Variants in PAX3 observed in about 807,000 individuals in gnomAD.
PAX3 encodes paired box 3.
In PAX3, 14 loss-of-function variants were observed where a neutral mutation model predicts 51.6. The ratio of observed to expected loss-of-function variants is 0.27; its 90% CI spans 0.18 to 0.42. PAX3 has a LOEUF of 0.42. PAX3 is among the 10% of genes least tolerant of loss of function. PAX3 has a pLI of 1.00. For synonymous variants in PAX3, 280 were observed against 253.4 expected (o/e 1.11, Z -1.00); for missense variants, 540 against 642.8 (o/e 0.84, Z 1.73).
intron 5 of PAX3, among the ~76,000 whole-genome samples, chr2:222,231,845 TA>T: frequency 6.6e-6 from 1 of 152,334 alleles, no homozygotes; most frequent in East Asian, 1.9e-4. Flanking sequence ...TGGTGTACAA[TA>T]AGGATTCCTG....
intron 4 of PAX3, among the ~76,000 whole-genome samples, chr2:222,244,471 A>G (rs1483850334): frequency 1.3e-5 from 2 of 152,162 alleles, no homozygotes; most frequent in Admixed American, 1.3e-4. Context: ...AAAACATAAC[A>G]CAATTCCTGA....
chr2:222,258,366 A>T (rs59038851), intron 4 of PAX3, among the ~76,000 whole-genome samples: 17,471 of 152,222 alleles, frequency 0.11, 1,259 homozygotes, highest in East Asian at 0.33. Flanking sequence ...TAGATTATTA[A>T]CAGTAAGAAC....
intron 7 of PAX3, among the ~76,000 whole-genome samples, chr2:222,202,478 G>A (rs371539517): frequency 2.6e-5 from 4 of 151,974 alleles, no homozygotes; most frequent in Non-Finnish European, 2.9e-5. Flanking sequence ...ATTACACCAC[G>A]TCCCTAGTGA....
At chr2:222,205,110 T>C (rs926161220) in intron 7 of PAX3, among the ~76,000 whole-genome samples, 2 of 152,196 alleles carry the variant, frequency 1.3e-5, no homozygotes, top group African/African-American at 4.8e-5. Flanking sequence ...ATGTTGTTCA[T>C]GAAGCAACTT....
intron 4 of PAX3, chr2:222,293,859 A>G (rs930301956): frequency 1.9e-6 from 3 of 1,611,816 alleles, no homozygotes; most frequent in East Asian, 2.2e-5. Context: ...TTTAATGGCA[A>G]CAGAGTGAGA....
At chr2:222,254,122 C>A (rs1693545001) in intron 4 of PAX3, among the ~76,000 whole-genome samples, 1 of 152,108 alleles carries the variant, frequency 6.6e-6, no homozygotes, top group East Asian at 1.9e-4. Flanking sequence ...ATATGACATC[C>A]AATCTCCAGG....
In PAX3 at chr2:222,249,711, C is replaced by T. The variant is rs530375836; in HGVS notation, c.587-17428G>A. Among the ~76,000 whole-genome samples the T allele has an allele frequency of 1.2e-3, 177 of 152,248 alleles. 1 individual carries two copies. The highest frequency in any genetic ancestry group is 3.4e-3 in the African/African-American group (143 of 41,562). ...GAAGAAGCCCTTGCCCCCGGGGTCCCGCAGTTCTCTCCACTGTAAATTCAC... is the reference window on the plus strand; with the variant it reads ...GAAGAAGCCCTTGCCCCCGGGGTCCTGCAGTTCTCTCCACTGTAAATTCAC... On this transcript the variant is annotated intron_variant, in intron 4 of 8. Coordinates refer to ENST00000392070, the MANE Select transcript of PAX3 (RefSeq NM_181458.4).
rs1463478748 is a variant in PAX3, at chr2:222,221,289, A to G, written c.891T>C (p.Thr297=). The G allele has an allele frequency of 1.9e-6, 3 of 1,613,976 alleles. No individual in the cohort carries two copies. Among genetic ancestry groups the G allele is most frequent in the East Asian group, 2.2e-5 (1 of 44,894 alleles). Residue 297 remains threonine, a synonymous_variant, in exon 6 of 9, where the codon ACT becomes ACC. Coordinates refer to ENST00000392070, the MANE Select transcript of PAX3 (RefSeq NM_181458.4). The part of the protein sequence containing the change: ...NHLIPGGFPP[T]AMPTLPTYQL... The stretch of plus-strand genomic sequence containing the variant: ...GGTACGTTGGCAAGGTCGGCATGGC[A>G]GTGGGAGGGAACCCCCCGGGAATGA...
At chr2:222,221,537 T>A in intron 5 of PAX3, 150 bp from the exon 6 acceptor site, 1 of 740,294 alleles carries the variant, frequency 1.4e-6, no homozygotes, top group South Asian at 1.6e-5. Flanking sequence ...TTTGGGCGAA[T>A]TGTCAGGAGT....
At chr2:222,210,547 C>A (rs1013025839) in intron 7 of PAX3, among the ~76,000 whole-genome samples, 2 of 152,094 alleles carry the variant, frequency 1.3e-5, no homozygotes, top group Admixed American at 1.3e-4. Context: ...TGACCCTCTC[C>A]CCTCCCTGCT....
At position 222,298,325 on chromosome 2, in the gene PAX3, G is replaced by A. The variant is rs894146694; in HGVS notation, c.85+206C>T. On this transcript the variant is annotated intron_variant, in intron 1 of 8. Transcript: ENST00000392070. Reference sequence around the variant, plus strand: ...GCCGCAGGCCTGACCGCCCAGCTCCGCCAGGATTTGCAGAGAGCAGCGCGC... The same window carrying A: ...GCCGCAGGCCTGACCGCCCAGCTCCACCAGGATTTGCAGAGAGCAGCGCGC... 3 of 592,098 alleles carry A rather than the reference G, an allele frequency of 5.1e-6. No homozygotes were observed. In the East Asian group the frequency reaches 8.4e-5, roughly 17 times the overall value. The allele number at this position is 592,098 out of a possible 1,614,324, so 36.7% of individuals were successfully genotyped here. A position where few individuals can be genotyped will look rare whatever the true frequency, so the allele number is the denominator to read the frequency against.
At chr2:222,262,256 G>A (rs1481079833) in intron 4 of PAX3, among the ~76,000 whole-genome samples, 1 of 152,100 alleles carries the variant, frequency 6.6e-6, no homozygotes, top group Admixed American at 6.5e-5. Context: ...CAGTTCTTAT[G>A]TTGGTGGACT....
intron 4 of PAX3, among the ~76,000 whole-genome samples, chr2:222,269,014 T>C (rs1273622159): frequency 6.6e-6 from 1 of 152,190 alleles, no homozygotes; most frequent in Non-Finnish European, 1.5e-5. Flanking sequence ...TACAATACCA[T>C]TACTTCCAGT....
rs184413162 is a variant in PAX3 at position 222,254,158 on chromosome 2, T to A, written c.587-21875A>T. 6.6e-3 allele frequency among the ~76,000 whole-genome samples: 1,002 copies of A among 151,768 alleles called. 10 individuals are homozygous for A. Among genetic ancestry groups the A allele is most frequent in the African/African-American group, 0.019 (775 of 41,420 alleles). ...AAATGCCTATTGCAAATTTTTTTTTTAAAAAAAAGTTTCACTTTAAGTATT... is the reference window on the plus strand; with the variant it reads ...AAATGCCTATTGCAAATTTTTTTTTAAAAAAAAAGTTTCACTTTAAGTATT... On this transcript the variant is annotated intron_variant, in intron 4 of 8. Transcript: ENST00000392070.
chr2:222,295,946 G>T (rs561694704), intron 2 of PAX3, among the ~76,000 whole-genome samples: 8 of 152,220 alleles, frequency 5.3e-5, no homozygotes, highest in South Asian at 2.1e-4. Context: ...GGTAGGGTGG[G>T]GTTATACTTT....
At chr2:222,258,976 A>G (rs1326415408) in intron 4 of PAX3, among the ~76,000 whole-genome samples, 2 of 152,194 alleles carry the variant, frequency 1.3e-5, no homozygotes, top group African/African-American at 4.8e-5. Context: ...CCAAACCCTG[A>G]AGCATACTGT....
In PAX3 at chr2:222,237,324, A is replaced by C. The variant is rs1692834597; in HGVS notation, c.587-5041T>G. On this transcript the variant is annotated intron_variant, in intron 4 of 8. Transcript: ENST00000392070. ...AAATGAGTGTTGAGTCTTTTATCAC[A>C]TGCACACACACACACACACACACAC... Among the ~76,000 whole-genome samples the C allele has an allele frequency of 4.7e-5, 5 of 106,898 alleles. No homozygotes were observed. The South Asian group carries it at 1.3e-3, about 29-fold the overall frequency. 70.1% of individuals were successfully genotyped at this position (106,898 alleles called of 152,430 possible).
intron 4 of PAX3, chr2:222,287,314 T>C (rs1010850057): frequency 6.6e-6 from 1 of 152,262 alleles, no homozygotes; most frequent in Non-Finnish European, 1.5e-5. Flanking sequence ...TTTATTCACC[T>C]ATTATAGAAT....
At chr2:222,206,410 T>A (rs1489059252) in intron 7 of PAX3, among the ~76,000 whole-genome samples, 1 of 152,112 alleles carries the variant, frequency 6.6e-6, no homozygotes. Flanking sequence ...AAAAATCTGT[T>A]GAGCAGATTT....
Sources: gnomAD v4.1 joint callset for allele counts (sites outside exome capture counted in the v4.1 genomes callset) on GRCh38, gnomAD v4.1.1 for gene constraint, MANE v1.5 for transcripts, NCBI Gene and HGNC (gene_info 2026-07-23, HGNC 2026-07-21) for gene names.